The following HIP1 variants were observed in gnomAD, a reference collection of about 807,000 sequenced individuals.
HIP1 encodes huntingtin interacting protein 1.
In HIP1, 65 loss-of-function variants were observed where a neutral mutation model predicts 147.6. The observed-to-expected ratio is 0.44, with a 90% confidence interval of 0.36 to 0.54. The LOEUF (loss-of-function observed/expected upper bound fraction) is 0.54, where lower values mean the gene tolerates loss of function less well. Among genes scored for constraint, HIP1 ranks in the 20% least tolerant of loss-of-function variants. The pLI, the probability that HIP1 is intolerant of heterozygous loss-of-function variation, is 0.00. For synonymous variants in HIP1, 479 were observed against 504.0 expected (o/e 0.95, Z 0.67); for missense variants, 1,061 against 1,299.6 (o/e 0.82, Z 2.82).
intron 1 of HIP1, chr7:75,654,823 T>C (rs893718255): frequency 5.9e-5 from 9 of 152,152 alleles, no homozygotes; most frequent in Non-Finnish European, 8.8e-5. Flanking sequence ...AGTTCTAGCC[T>C]GGGCAACATA....
chr7:75,554,233 G>A lies in HIP1; in HGVS notation c.2051-13C>T, dbSNP rs1554492734. The A allele has an allele frequency of 6.2e-7, 1 of 1,607,184 alleles. No homozygotes were observed. Among genetic ancestry groups the A allele is most frequent in the Non-Finnish European group, 8.5e-7 (1 of 1,174,180 alleles). ...AGTCCACTGATGTCTGCCAGGATTG[G>A]AAAGAGAAGTTTCTCAGGTCTGGTT... On this transcript the variant is annotated splice_polypyrimidine_tract_variant and intron_variant, in intron 20 of 30. Coordinates refer to ENST00000336926, the MANE Select transcript of HIP1 (RefSeq NM_005338.7).
At chr7:75,655,721 TAGTG>T (rs1799122609) in intron 1 of HIP1, among the ~76,000 whole-genome samples, 1 of 152,180 alleles carries the variant, frequency 6.6e-6, no homozygotes, top group Non-Finnish European at 1.5e-5. Flanking sequence ...AGTAGATTAT[TAGTG>T]AGTAAGAGTT....
intron 28 of HIP1, 111 bp from the exon 29 acceptor site, chr7:75,542,091 A>G (rs1584771103): frequency 1.2e-6 from 1 of 868,572 alleles, no homozygotes; most frequent in African/African-American, 1.7e-5. Flanking sequence ...CCATTTGTCA[A>G]CACTGCATGA....
chr7:75,551,121 C>T (rs782198136), intron 22 of HIP1, among the ~76,000 whole-genome samples: 97 of 149,944 alleles, frequency 6.5e-4, no homozygotes, highest in Non-Finnish European at 4.9e-4. Context: ...AGTAGGACTC[C>T]ATTTACCTGT....
At chr7:75,697,989 T>C (rs2117316353) in intron 1 of HIP1, among the ~76,000 whole-genome samples, 2 of 152,280 alleles carry the variant, frequency 1.3e-5, no homozygotes, top group Middle Eastern at 6.8e-3. Flanking sequence ...GTTTTATAAT[T>C]TAAAAAAATT....
chr7:75,616,999 G>A (rs1584885772), intron 1 of HIP1, among the ~76,000 whole-genome samples: 1 of 152,026 alleles, frequency 6.6e-6, no homozygotes, highest in Non-Finnish European at 1.5e-5. Context: ...TCGACCTCCT[G>A]GGCTCAAGCA....
At position 75,542,845 on chromosome 7, in the gene HIP1, G is replaced by C. The variant is rs782372539; in HGVS notation, c.2890+6C>G. On this transcript the variant is annotated splice_donor_region_variant and intron_variant, in intron 28 of 30. Transcript: ENST00000336926. ...GGTAAGAAAAGGGTCCCTTTGGAAAGGCTACCTGTCTCTTCGATCTGTGAT... is the reference window on the plus strand; with the variant it reads ...GGTAAGAAAAGGGTCCCTTTGGAAACGCTACCTGTCTCTTCGATCTGTGAT... The C allele has an allele frequency of 1.2e-6, 2 of 1,613,936 alleles. No individual in the cohort carries two copies. Among genetic ancestry groups the C allele is most frequent in the Non-Finnish European group, 1.7e-6 (2 of 1,179,936 alleles).
chr7:75,574,930 T>TG (rs1795790594), intron 7 of HIP1, among the ~76,000 whole-genome samples: 1 of 138,552 alleles, frequency 7.2e-6, no homozygotes, highest in African/African-American at 2.7e-5. Context: ...GAGGCCGAGG[T>TG]GGGGGGACTG....
chr7:75,688,190 C>T (rs921654295), intron 1 of HIP1, among the ~76,000 whole-genome samples: 2 of 152,192 alleles, frequency 1.3e-5, no homozygotes, highest in African/African-American at 4.8e-5. Flanking sequence ...CCTGCCCACA[C>T]CACCAACACC....
intron 23 of HIP1, 98 bp downstream of exon 23, chr7:75,548,793 A>G: frequency 1.1e-6 from 1 of 934,842 alleles, no homozygotes; most frequent in Non-Finnish European, 1.7e-6. Context: ...GGGGGTTGCC[A>G]TGGCCTTAAT....
chr7:75,681,528 A>G (rs1451521699), intron 1 of HIP1, among the ~76,000 whole-genome samples: 6 of 119,224 alleles, frequency 5.0e-5, no homozygotes, highest in African/African-American at 1.9e-4. Flanking sequence ...TTTTTTTGAG[A>G]CAGGGTCTTG....
intron 1 of HIP1, among the ~76,000 whole-genome samples, chr7:75,615,585 A>G (rs1797626568): frequency 6.6e-6 from 1 of 152,072 alleles, no homozygotes; most frequent in Non-Finnish European, 1.5e-5. Context: ...TTGTCCTCAA[A>G]GGGACAAAGA....
chr7:75,556,243 C>T (rs1795002221), intron 17 of HIP1, 74 bp from the exon 18 acceptor site: 1 of 1,545,104 alleles, frequency 6.5e-7, no homozygotes, highest in Admixed American at 1.8e-5. Context: ...GAGGTCCAAC[C>T]CACCACCGGG....
intron 1 of HIP1, among the ~76,000 whole-genome samples, chr7:75,602,462 A>G (rs1235364140): frequency 2.0e-5 from 3 of 147,830 alleles, no homozygotes; most frequent in Non-Finnish European, 4.5e-5. Flanking sequence ...TGCCACATCC[A>G]GCTGCTGTTT....
intron 1 of HIP1, 84 bp from the exon 2 acceptor site, chr7:75,599,331 C>A (rs1759323172): frequency 9.6e-7 from 1 of 1,040,474 alleles, no homozygotes; most frequent in South Asian, 1.3e-5. Flanking sequence ...GATGCCCGCC[C>A]CTTTCTCCTC....
At chr7:75,721,997 A>G (rs568021329) in intron 1 of HIP1, among the ~76,000 whole-genome samples, 12 of 152,324 alleles carry the variant, frequency 7.9e-5, no homozygotes, top group African/African-American at 2.9e-4. Context: ...AGTGTAACTG[A>G]CAGGCTGCTG....
chr7:75,584,500 A>T (rs956632503), intron 5 of HIP1, among the ~76,000 whole-genome samples: 3 of 152,180 alleles, frequency 2.0e-5, no homozygotes, highest in Non-Finnish European at 4.4e-5. Context: ...ACAAGACAGC[A>T]GTGAGCTCGA....
rs1794065338 is a variant in HIP1 at position 75,535,915 on chromosome 7, T to A, written c.*2257A>T. 5.8e-6 allele frequency: 1 copy of A among 173,026 alleles called. No individual in the cohort carries two copies. The highest frequency in any genetic ancestry group is 1.2e-5 in the Non-Finnish European group (1 of 80,120). 10.7% of individuals were successfully genotyped at this position (173,026 alleles called of 1,614,324 possible). On this transcript the variant is annotated 3_prime_UTR_variant, in exon 31 of 31. Coordinates refer to ENST00000336926, the MANE Select transcript of HIP1 (RefSeq NM_005338.7). ...TTTAGTAGAGATGGGGGTTTCACCATGTTGGACAGGCTGGTCTTGAACTCC... is the reference window on the plus strand; with the variant it reads ...TTTAGTAGAGATGGGGGTTTCACCAAGTTGGACAGGCTGGTCTTGAACTCC...
intron 14 of HIP1, among the ~76,000 whole-genome samples, chr7:75,559,062 T>A (rs1795125820): frequency 6.6e-6 from 1 of 152,200 alleles, no homozygotes; most frequent in Admixed American, 6.5e-5. Context: ...GATTCATGCC[T>A]CTTCAGCACT....
Sources: allele counts gnomAD v4.1 joint callset (sites outside exome capture counted in the v4.1 genomes callset), GRCh38; gene constraint gnomAD v4.1.1; transcripts MANE v1.5; gene names NCBI Gene and HGNC (gene_info 2026-07-23, HGNC 2026-07-21).